Variants in SYT17 observed in about 807,000 individuals in gnomAD.
The protein encoded by SYT17 is synaptotagmin 17, also known as synaptotagmin-17.
In SYT17, 22 loss-of-function variants were observed where a neutral mutation model predicts 46.7. That is an observed-to-expected ratio of 0.47 (90% CI 0.34 to 0.67). The LOEUF (loss-of-function observed/expected upper bound fraction) is 0.67, where lower values mean the gene tolerates loss of function less well. SYT17 is among the 30% of genes least tolerant of loss of function. The pLI is 0.01. For synonymous variants in SYT17, 251 were observed against 248.4 expected, an observed-to-expected ratio of 1.01 and a Z score of -0.10; for missense variants, 519 against 612.8, an observed-to-expected ratio of 0.85 and a Z score of 1.62.
intron 4 of SYT17, among the ~76,000 whole-genome samples, chr16:19,181,771 G>A (rs547504266): frequency 1.4e-3 from 206 of 150,044 alleles, no homozygotes; most frequent in Middle Eastern, 3.6e-3. Context: ...AGGCCGAGGC[G>A]GGAGGATCAC....
At chr16:19,188,513 C>CAAAAAAAAAAAAAAAAAAAAAAAAAAAA (rs61202540) in intron 5 of SYT17, among the ~76,000 whole-genome samples, 1 of 64,584 alleles carries the variant, frequency 1.5e-5, no homozygotes, top group African/African-American at 6.6e-5. Flanking sequence ...TTCAGTTCTG[C>CAAAAAAAAAAAAAAAAAAAAAAAAAAAA]AAAAAAAAAA....
chr16:19,209,162 C>T (rs1449986388), intron 5 of SYT17, among the ~76,000 whole-genome samples: 1 of 152,030 alleles, frequency 6.6e-6, no homozygotes, highest in Non-Finnish European at 1.5e-5. Context: ...AGCCACTGCA[C>T]CCTGCCAGGA....
chr16:19,243,098 T>A (rs1175138046), intron 7 of SYT17, among the ~76,000 whole-genome samples: 1 of 152,114 alleles, frequency 6.6e-6, no homozygotes, highest in African/African-American at 2.4e-5. Context: ...TGGCTTATCA[T>A]GGAAATTATT....
chr16:19,192,755 G>A (rs1265473615), intron 5 of SYT17, among the ~76,000 whole-genome samples: 1 of 152,200 alleles, frequency 6.6e-6, no homozygotes, highest in Non-Finnish European at 1.5e-5. Flanking sequence ...AGCCTTTGAG[G>A]AAACTATAAA....
intron 7 of SYT17, among the ~76,000 whole-genome samples, chr16:19,226,420 A>G (rs981085792): frequency 1.3e-5 from 2 of 152,190 alleles, no homozygotes; most frequent in Non-Finnish European, 2.9e-5. Flanking sequence ...CTTGCATACA[A>G]GATTTCCCCT....
At chr16:19,252,608 TA>T (rs1470063151) in intron 7 of SYT17, among the ~76,000 whole-genome samples, 1 of 142,140 alleles carries the variant, frequency 7.0e-6, no homozygotes, top group Non-Finnish European at 1.5e-5. Flanking sequence ...AGCAGCACCT[TA>T]AAAAAATTAG....
intron 5 of SYT17, among the ~76,000 whole-genome samples, chr16:19,215,396 C>T (rs1966056088): frequency 6.6e-6 from 1 of 152,138 alleles, no homozygotes; most frequent in Non-Finnish European, 1.5e-5. Flanking sequence ...TTTCAAACAT[C>T]CAAATTATTA....
intron 5 of SYT17, among the ~76,000 whole-genome samples, chr16:19,187,867 G>A (rs1964847041): frequency 2.6e-5 from 4 of 152,158 alleles, no homozygotes; most frequent in Non-Finnish European, 4.4e-5. Context: ...AAAAAGGAAC[G>A]CTTATACACT....
At chr16:19,238,618 C>T (rs955979862) in intron 7 of SYT17, among the ~76,000 whole-genome samples, 1 of 152,236 alleles carries the variant, frequency 6.6e-6, no homozygotes, top group Non-Finnish European at 1.5e-5. Context: ...GGTTTTTATT[C>T]CACTTGAATG....
At chr16:19,220,019 A>ACAC (rs1966248944) in intron 5 of SYT17, among the ~76,000 whole-genome samples, 1 of 152,144 alleles carries the variant, frequency 6.6e-6, no homozygotes, top group Admixed American at 6.5e-5. Context: ...TGCCCTAAAG[A>ACAC]CACCGCATCT....
chr16:19,180,018 A>G (rs1029072845), intron 3 of SYT17, among the ~76,000 whole-genome samples: 2 of 152,200 alleles, frequency 1.3e-5, no homozygotes, highest in African/African-American at 4.8e-5. Flanking sequence ...TCGGATGCCT[A>G]TAAAACAACC....
chr16:19,233,955 C>T (rs1168725179), intron 7 of SYT17, among the ~76,000 whole-genome samples: 2 of 152,162 alleles, frequency 1.3e-5, no homozygotes, highest in Admixed American at 6.5e-5. Context: ...CCAGACTCAG[C>T]TCTGCCTAAT....
chr16:19,221,582 A>T (rs1966320297), intron 5 of SYT17, among the ~76,000 whole-genome samples: 1 of 152,096 alleles, frequency 6.6e-6, no homozygotes, highest in African/African-American at 2.4e-5. Flanking sequence ...GGACTAACTC[A>T]CTCAGTACAG....
chr16:19,229,219 A>G (rs942463790), intron 7 of SYT17, among the ~76,000 whole-genome samples: 3 of 152,196 alleles, frequency 2.0e-5, no homozygotes, highest in African/African-American at 4.8e-5. Flanking sequence ...CCGTTCTCGC[A>G]TTGTTACAAT....
chr16:19,176,910 G>C (rs1000559884), intron 3 of SYT17, among the ~76,000 whole-genome samples: 2 of 152,194 alleles, frequency 1.3e-5, no homozygotes, highest in African/African-American at 4.8e-5. Context: ...TCTAGGAAGA[G>C]CTGGGGGAGC....
At chr16:19,230,015 A>T (rs1156506898) in intron 7 of SYT17, among the ~76,000 whole-genome samples, 1 of 152,238 alleles carries the variant, frequency 6.6e-6, no homozygotes, top group Non-Finnish European at 1.5e-5. Flanking sequence ...AGTCAAACTC[A>T]TAGACAGAAA....
At chr16:19,177,078 A>G (rs1170641896) in intron 3 of SYT17, among the ~76,000 whole-genome samples, 1 of 152,164 alleles carries the variant, frequency 6.6e-6, no homozygotes, top group African/African-American at 2.4e-5. Flanking sequence ...TGCACAGCCT[A>G]GGTTCTCATG....
At chr16:19,224,609 T>C (rs995915863) in intron 6 of SYT17, 74 bp from the exon 7 acceptor site, 35 of 1,520,614 alleles carry the variant, frequency 2.3e-5, no homozygotes, top group Admixed American at 3.6e-5. Flanking sequence ...GGATGGGAGG[T>C]TGAATGGCAG....
intron 7 of SYT17, among the ~76,000 whole-genome samples, chr16:19,236,947 G>A (rs989644699): frequency 1.6e-4 from 25 of 152,140 alleles, no homozygotes; most frequent in African/African-American, 5.8e-4. Context: ...TGTGATCCTA[G>A]AGCCCCAATC....
Sources: allele counts gnomAD v4.1 joint callset (sites outside exome capture counted in the v4.1 genomes callset), GRCh38; gene constraint gnomAD v4.1.1; transcripts MANE v1.5; gene names NCBI Gene and HGNC (gene_info 2026-07-23, HGNC 2026-07-21).